MNS1: variants seen among roughly 807,000 people sequenced by gnomAD.
MNS1 encodes the protein meiosis specific nuclear structural 1, also known as meiosis-specific nuclear structural protein 1.
In MNS1, 63 loss-of-function variants were observed where a neutral mutation model predicts 72.0. That is an observed-to-expected ratio of 0.87 (90% CI 0.71 to 1.08). MNS1 has a LOEUF of 1.08. MNS1 is among the 50% of genes least tolerant of loss of function. The probability of loss-of-function intolerance (pLI) is 0.00; values close to 1 mark genes in which losing one functional copy is unlikely to be tolerated. For synonymous variants in MNS1, 188 were observed against 172.1 expected, an observed-to-expected ratio of 1.09 and a Z score of -0.72; for missense variants, 604 against 562.4, an observed-to-expected ratio of 1.07 and a Z score of -0.75.
chr15:56,453,176 A>G (rs760514711), intron 3 of MNS1, among the ~76,000 whole-genome samples: 160 of 152,246 alleles, frequency 1.1e-3, no homozygotes, highest in Non-Finnish European at 1.8e-3. Context: ...TCATTTTGTC[A>G]TATTTTTAAC....
rs533666044 is a variant in MNS1 at position 56,457,138 on chromosome 15, C to A, written c.226-617G>T. Among the ~76,000 whole-genome samples, 105 of 152,292 alleles carry A rather than the reference C, an allele frequency of 6.9e-4. 1 individual carries two copies. Among genetic ancestry groups the A allele is most frequent in the African/African-American group, 2.2e-3 (91 of 41,566 alleles). ...ATTCTGTAACAATCACCTCTACACA[C>A]ATTTTTCCCCCAAGCCACTGACTTG... On this transcript the variant is annotated intron_variant, in intron 2 of 9. Transcript: ENST00000260453.
chr15:56,458,258 C>G (rs796597352), intron 2 of MNS1, among the ~76,000 whole-genome samples: 29 of 152,262 alleles, frequency 1.9e-4, no homozygotes, highest in African/African-American at 6.3e-4. Context: ...TGTTGTGTAT[C>G]TATCACCACT....
intron 1 of MNS1, 92 bp downstream of exon 1, chr15:56,464,878 G>A (rs1276410396): frequency 6.4e-7 from 1 of 1,552,080 alleles, no homozygotes; most frequent in Non-Finnish European, 8.9e-7. Context: ...ACCAGATTAA[G>A]CACTTAAAAT....
chr15:56,460,009 A>AAAAAAAAAAAAAAATATATAT, intron 2 of MNS1, among the ~76,000 whole-genome samples: 2 of 26,386 alleles, frequency 7.6e-5, no homozygotes, highest in African/African-American at 1.5e-4. Flanking sequence ...AAAAAAAAAA[A>AAAAAAAAAAAAAAATATATAT]ATACATATAT....
chr15:56,433,863 A>G (rs2050667320), intron 8 of MNS1, among the ~76,000 whole-genome samples: 1 of 152,080 alleles, frequency 6.6e-6, no homozygotes, highest in Non-Finnish European at 1.5e-5. Context: ...ATTACTTTTT[A>G]TATATTTTTC....
In MNS1 at chr15:56,443,792, T is replaced by C. The variant is rs1320687124; in HGVS notation, c.749A>G (p.Lys250Arg). Residue 250 changes from lysine (K) to arginine (R), a missense_variant, in exon 6 of 10, where the codon AAA (lysine) becomes AGA (arginine). By Grantham distance (26) the Lys-to-Arg change is conservative (BLOSUM62 2). Transcript: ENST00000260453. ...CTTTTTTCTCCAGAGAGCCTGCTCT[T>C]TCTGAAACTCTTCTATATACCTTCG... ...AMRRYIEEFQ[K>R]EQALWRKKKR... is the part of the protein sequence containing the mutation. The C allele has an allele frequency of 6.2e-7, 1 of 1,612,888 alleles. No homozygotes were observed. Among genetic ancestry groups the C allele is most frequent in the Non-Finnish European group, 8.5e-7 (1 of 1,179,558 alleles).
At position 56,430,658 on chromosome 15, in the gene MNS1, G is replaced by C. The variant is rs143092326; in HGVS notation, c.1395+715C>G. On this transcript the variant is annotated intron_variant, in intron 9 of 9. Transcript: ENST00000260453. Reference sequence around the variant, plus strand: ...CAGTTCAACCATGTGCCTATTACTGGTGTTACCAGTGACAATGTTTTCATA... The same window carrying C: ...CAGTTCAACCATGTGCCTATTACTGCTGTTACCAGTGACAATGTTTTCATA... 2.3e-3 allele frequency among the ~76,000 whole-genome samples: 344 copies of C among 152,206 alleles called. 1 individual carries two copies. The highest frequency in any genetic ancestry group is 8.0e-3 in the African/African-American group (332 of 41,512).
intron 7 of MNS1, among the ~76,000 whole-genome samples, chr15:56,438,896 A>T (rs1259527389): frequency 6.6e-6 from 1 of 152,136 alleles, no homozygotes; most frequent in Non-Finnish European, 1.5e-5. Flanking sequence ...AGGAAAGGTG[A>T]TGTCTACTCT....
At chr15:56,463,814 G>A (rs1229128079) in intron 2 of MNS1, 1 of 492,540 alleles carries the variant, frequency 2.0e-6, no homozygotes. Context: ...ACTTACTCAA[G>A]GGTCCGTAGC....
At chr15:56,434,472 GGTTAAATTTA>G in intron 7 of MNS1, 77 bp from the exon 8 acceptor site, 1 of 1,428,454 alleles carries the variant, frequency 7.0e-7, no homozygotes, top group East Asian at 2.3e-5. Flanking sequence ...GATAGAGTTT[GGTTAAATTTA>G]GTATTACAAT....
In MNS1 at chr15:56,429,050, C is replaced by G; in HGVS notation, c.*51G>C. Reference sequence around the variant, plus strand: ...AACTGTAAAACAAAAGTTATGCTGACATCTAGTGGTAACATGCAAAAAATC... The same window carrying G: ...AACTGTAAAACAAAAGTTATGCTGAGATCTAGTGGTAACATGCAAAAAATC... On this transcript the variant is annotated 3_prime_UTR_variant, in exon 10 of 10. Coordinates refer to ENST00000260453, the MANE Select transcript of MNS1 (RefSeq NM_018365.4). 1 of 1,180,310 alleles carries G rather than the reference C, an allele frequency of 8.5e-7. No homozygotes were observed. The highest frequency in any genetic ancestry group is 1.2e-6 in the Non-Finnish European group (1 of 823,036). The allele number at this position is 1,180,310 out of a possible 1,614,324, so 73.1% of individuals were successfully genotyped here. A position where few individuals can be genotyped will look rare whatever the true frequency, so the allele number is the denominator to read the frequency against.
intron 4 of MNS1, chr15:56,445,879 C>G (rs1171010061): frequency 2.0e-5 from 3 of 152,036 alleles, no homozygotes; most frequent in African/African-American, 2.4e-5. Context: ...ACTGGACAAA[C>G]AGGACATTGT....
chr15:56,430,435 G>C (rs1054408382), intron 9 of MNS1, among the ~76,000 whole-genome samples: 80 of 152,136 alleles, frequency 5.3e-4, no homozygotes, highest in African/African-American at 1.9e-3. Context: ...TGAACTCCTG[G>C]GCTCAGGTGA....
At chr15:56,436,773 A>G (rs913250644) in intron 7 of MNS1, among the ~76,000 whole-genome samples, 3 of 152,298 alleles carry the variant, frequency 2.0e-5, no homozygotes, top group South Asian at 4.1e-4. Context: ...GATAAAGGGG[A>G]TATCACCACA....
At chr15:56,457,604 TTAA>T (rs1385507906) in intron 2 of MNS1, among the ~76,000 whole-genome samples, 2 of 152,134 alleles carry the variant, frequency 1.3e-5, no homozygotes, top group East Asian at 3.9e-4. Flanking sequence ...GGGAGGATCC[TTAA>T]GGCCAGGAGT....
At chr15:56,441,999 G>A (rs1355117419) in intron 7 of MNS1, among the ~76,000 whole-genome samples, 3 of 151,882 alleles carry the variant, frequency 2.0e-5, no homozygotes, top group African/African-American at 4.8e-5. Flanking sequence ...CAACCTGGGC[G>A]ACAGAGCGAG....
intron 7 of MNS1, among the ~76,000 whole-genome samples, chr15:56,435,873 G>A (rs1002073873): frequency 1.3e-5 from 2 of 151,918 alleles, no homozygotes; most frequent in Admixed American, 6.6e-5. Context: ...AATATTCCTC[G>A]TGAATATGGA....
rs1343281464 is a variant in MNS1 at position 56,429,346 on chromosome 15, T to A, written c.1396-153A>T. ...GAAACTTTAAAAAAATCAATACTTTTCAAAAAATAAGACTTTACATATATA... is the reference window on the plus strand; with the variant it reads ...GAAACTTTAAAAAAATCAATACTTTACAAAAAATAAGACTTTACATATATA... On this transcript the variant is annotated intron_variant, in intron 9 of 9. Transcript: ENST00000260453. 5.3e-6 allele frequency: 3 copies of A among 569,734 alleles called. No homozygotes were observed. In the African/African-American group the frequency reaches 5.9e-5, roughly 11 times the overall value. 35.3% of individuals were successfully genotyped at this position (569,734 alleles called of 1,614,324 possible).
intron 7 of MNS1, among the ~76,000 whole-genome samples, chr15:56,439,198 CACTT>C (rs1408930616): frequency 2.6e-5 from 4 of 152,022 alleles, no homozygotes; most frequent in African/African-American, 9.7e-5. Flanking sequence ...AAAAATGAAA[CACTT>C]AGATGTAACA....
Sources: gnomAD v4.1 joint callset for allele counts (sites outside exome capture counted in the v4.1 genomes callset) on GRCh38, gnomAD v4.1.1 for gene constraint, MANE v1.5 for transcripts, NCBI Gene and HGNC (gene_info 2026-07-23, HGNC 2026-07-21) for gene names.